ATP6V0A4: variants seen among roughly 807,000 people sequenced by gnomAD.
ATP6V0A4 encodes the protein V-type proton ATPase 116 kDa subunit a 4.
ATP6V0A4 carries 86 observed loss-of-function variants against 107.3 expected under a neutral mutation model. That is an observed-to-expected ratio of 0.80 (90% CI 0.67 to 0.96). The LOEUF (loss-of-function observed/expected upper bound fraction) is 0.96. Among genes scored for constraint, ATP6V0A4 ranks in the 40% least tolerant of loss-of-function variants. The pLI is 0.00. For synonymous variants in ATP6V0A4, 353 were observed against 381.4 expected (o/e 0.93, Z 0.87); for missense variants, 908 against 1,045.6 (o/e 0.87, Z 1.81).
chr7:138,749,058 C>T (rs1349275648), intron 12 of ATP6V0A4, 109 bp downstream of exon 12: 1 of 1,407,688 alleles, frequency 7.1e-7, no homozygotes, highest in East Asian at 2.3e-5. Context: ...ACTACCCTAG[C>T]CCCAAGCCTC....
At chr7:138,742,229 C>T (rs1403556011) in intron 14 of ATP6V0A4, among the ~76,000 whole-genome samples, 1 of 152,068 alleles carries the variant, frequency 6.6e-6, no homozygotes, top group Admixed American at 6.6e-5. Flanking sequence ...GAGTTCAAGA[C>T]CAGCCTGGCC....
chr7:138,713,777 A>AG (rs938522791), intron 20 of ATP6V0A4, among the ~76,000 whole-genome samples: 1 of 152,054 alleles, frequency 6.6e-6, no homozygotes, highest in African/African-American at 2.4e-5. Context: ...AAACACACAG[A>AG]GGGGCCCAGG....
chr7:138,770,477 G>A (rs1807326040), intron 3 of ATP6V0A4, among the ~76,000 whole-genome samples: 1 of 152,198 alleles, frequency 6.6e-6, no homozygotes, highest in African/African-American at 2.4e-5. Context: ...TTGAGGACCT[G>A]CCTCATACGA....
chr7:138,722,909 T>C (rs1200858799), intron 18 of ATP6V0A4, among the ~76,000 whole-genome samples: 1 of 141,210 alleles, frequency 7.1e-6, no homozygotes, highest in Non-Finnish European at 1.5e-5. Flanking sequence ...AATACAAAAA[T>C]TAGTTGGGCA....
intron 2 of ATP6V0A4, among the ~76,000 whole-genome samples, chr7:138,777,040 T>C (rs996410259): frequency 8.6e-5 from 13 of 151,800 alleles, no homozygotes; most frequent in Middle Eastern, 3.4e-3. Context: ...TCCCAGCTAC[T>C]CAGGAGGCTG....
intron 15 of ATP6V0A4, among the ~76,000 whole-genome samples, chr7:138,735,748 C>T (rs1805283121): frequency 6.6e-6 from 1 of 152,216 alleles, no homozygotes; most frequent in Non-Finnish European, 1.5e-5. Flanking sequence ...TTCCCACAGG[C>T]ACACTCAATG....
In ATP6V0A4 at chr7:138,733,331, C is replaced by T. The variant is rs1011246; in HGVS notation, c.1692-238G>A. 9.7e-3 allele frequency among the ~76,000 whole-genome samples: 1,452 copies of T among 149,622 alleles called. 26 individuals carry two copies. The highest frequency in any genetic ancestry group is 0.034 in the African/African-American group (1,364 of 40,546). The stretch of plus-strand genomic sequence containing the variant: ...TGCACAAAAGAGTCAGAGAGAACCA[C>T]GGTCTAGAAGTAACGTCTAAAGCAA... On this transcript the variant is annotated intron_variant, in intron 16 of 21. Transcript: ENST00000310018.
intron 10 of ATP6V0A4, among the ~76,000 whole-genome samples, chr7:138,755,021 G>C (rs1383288656): frequency 3.3e-5 from 5 of 152,174 alleles, no homozygotes; most frequent in African/African-American, 4.8e-5. Context: ...CATGTGGCTC[G>C]TGACTACAGT....
chr7:138,793,675 C>G (rs62486975), intron 1 of ATP6V0A4, among the ~76,000 whole-genome samples: 17,688 of 152,132 alleles, frequency 0.12, 1,185 homozygotes, highest in African/African-American at 0.18. Flanking sequence ...TCGCAGGTCA[C>G]AGTGCAACTA....
At chr7:138,731,250 T>C (rs1333718514) in intron 17 of ATP6V0A4, among the ~76,000 whole-genome samples, 1 of 152,132 alleles carries the variant, frequency 6.6e-6, no homozygotes, top group Non-Finnish European at 1.5e-5. Context: ...TTTTTCTTAT[T>C]GATGCTTGGG....
chr7:138,776,078 G>A (rs988491485), intron 2 of ATP6V0A4, among the ~76,000 whole-genome samples: 4 of 152,190 alleles, frequency 2.6e-5, no homozygotes, highest in African/African-American at 9.7e-5. Context: ...TTCCCAAAGT[G>A]CTGGGATTAC....
intron 12 of ATP6V0A4, among the ~76,000 whole-genome samples, chr7:138,748,250 A>C (rs1806055657): frequency 1.3e-5 from 2 of 151,892 alleles, no homozygotes; most frequent in South Asian, 4.2e-4. Flanking sequence ...CACCATTCAC[A>C]TGCACCACAC....
intron 20 of ATP6V0A4, among the ~76,000 whole-genome samples, chr7:138,714,075 CA>C (rs35801199): frequency 0.19 from 21,576 of 112,294 alleles, 1,739 homozygotes; most frequent in East Asian, 0.39. Flanking sequence ...CTACCTCTAC[CA>C]AAAAAAAAAA....
At chr7:138,774,617 A>AATATATTAT (rs1563015508) in intron 2 of ATP6V0A4, among the ~76,000 whole-genome samples, 3 of 53,530 alleles carry the variant, frequency 5.6e-5, no homozygotes, top group East Asian at 8.4e-4. Flanking sequence ...CTATATATAT[A>AATATATTAT]ATATATTATA....
At chr7:138,718,232 GCGCAGT>G (rs1237565939) in intron 19 of ATP6V0A4, among the ~76,000 whole-genome samples, 7 of 18,542 alleles carry the variant, frequency 3.8e-4, no homozygotes, top group African/African-American at 7.0e-4. Flanking sequence ...GTGTGTGTGC[GCGCAGT>G]TATGGATGTC....
In ATP6V0A4 at chr7:138,756,087, T is replaced by C. The variant is rs143826289; in HGVS notation, c.723-305A>G. On this transcript the variant is annotated intron_variant, in intron 9 of 21. Coordinates refer to ENST00000310018, the MANE Select transcript of ATP6V0A4 (RefSeq NM_020632.3). ...GCCCCTTCCTAAGAATCTATTAATG[T>C]ATTAATATCCTCTGCACTGAGTCAT... The C allele has an allele frequency of 8.6e-4, 451 of 524,412 alleles. 1 individual carries two copies. Among genetic ancestry groups the C allele is most frequent in the African/African-American group, 7.9e-3 (415 of 52,282 alleles). 32.5% of individuals were successfully genotyped at this position (524,412 alleles called of 1,614,324 possible). A position where few individuals can be genotyped will look rare whatever the true frequency, so the allele number is the denominator to read the frequency against.
rs544948513 is a variant in ATP6V0A4, at chr7:138,774,306, CCGTGGCTCACGCCGGTAATTCCAG to C, written c.-17-3066_-17-3043del. 2.6e-3 allele frequency among the ~76,000 whole-genome samples: 392 copies of C among 152,232 alleles called. 3 individuals carry two copies. The highest frequency in any genetic ancestry group is 9.1e-3 in the African/African-American group (378 of 41,556). Reference sequence around the variant, plus strand: ...GAAAAATAATTTTGGGGGCCGGGCGCCGTGGCTCACGCCGGTAATTCCAGCACTTTGGGAGGCTGAGGTGGGCGG... The same window carrying C: ...GAAAAATAATTTTGGGGGCCGGGCGCCACTTTGGGAGGCTGAGGTGGGCGG... On this transcript the variant is annotated intron_variant, in intron 2 of 21. Transcript: ENST00000310018.
chr7:138,712,669 G>A (rs1803804415), intron 20 of ATP6V0A4, among the ~76,000 whole-genome samples: 1 of 152,116 alleles, frequency 6.6e-6, no homozygotes, highest in Admixed American at 6.6e-5. Context: ...ACGTCTAGCA[G>A]GGACTTCTAG....
intron 7 of ATP6V0A4, 131 bp downstream of exon 7, chr7:138,762,209 G>A (rs1368264084): frequency 6.7e-6 from 8 of 1,202,020 alleles, no homozygotes; most frequent in South Asian, 2.5e-5. Context: ...TGGGTCTATC[G>A]CTTGGCAGAG....
Sources: allele counts gnomAD v4.1 joint callset (sites outside exome capture counted in the v4.1 genomes callset), GRCh38; gene constraint gnomAD v4.1.1; transcripts MANE v1.5; gene names NCBI Gene and HGNC (gene_info 2026-07-23, HGNC 2026-07-21).